ASTN2: variants seen among roughly 807,000 people sequenced by gnomAD.
ASTN2 encodes astrotactin-2.
Under a neutral mutation model 139.8 loss-of-function variants are expected in ASTN2, and 54 were observed. The ratio of observed to expected loss-of-function variants is 0.39; its 90% CI spans 0.31 to 0.48. The LOEUF (loss-of-function observed/expected upper bound fraction) is 0.48. ASTN2 is among the 20% of genes least tolerant of loss of function. The pLI, the probability that ASTN2 is intolerant of heterozygous loss-of-function variation, is 0.95. For synonymous variants in ASTN2, 756 were observed against 719.5 expected (o/e 1.05, Z -0.81); for missense variants, 1,565 against 1,725.1 (o/e 0.91, Z 1.64).
chr9:116,806,933 A>G (rs1233782164), intron 12 of ASTN2, among the ~76,000 whole-genome samples: 1 of 152,222 alleles, frequency 6.6e-6, no homozygotes, highest in Non-Finnish European at 1.5e-5. Flanking sequence ...AAAGAGTAAT[A>G]TCATAATTTC....
intron 19 of ASTN2, among the ~76,000 whole-genome samples, chr9:116,510,937 G>T (rs1288645251): frequency 1.3e-5 from 2 of 152,180 alleles, no homozygotes; most frequent in Non-Finnish European, 2.9e-5. Flanking sequence ...ATACAATCAT[G>T]TCATCTGAAA....
chr9:117,190,062 G>A (rs890763154), intron 3 of ASTN2, among the ~76,000 whole-genome samples: 4 of 152,128 alleles, frequency 2.6e-5, no homozygotes, highest in Non-Finnish European at 4.4e-5. Flanking sequence ...CAATCTCTCA[G>A]GAAGGAGGGA....
intron 1 of ASTN2, among the ~76,000 whole-genome samples, chr9:117,322,713 T>G (rs1008578901): frequency 1.3e-5 from 2 of 152,242 alleles, no homozygotes; most frequent in East Asian, 3.9e-4. Context: ...ATAAATCCTG[T>G]TGAATCTGGG....
chr9:116,823,003 G>A (rs1167524125), intron 11 of ASTN2, among the ~76,000 whole-genome samples: 1 of 152,104 alleles, frequency 6.6e-6, no homozygotes, highest in African/African-American at 2.4e-5. Flanking sequence ...GGTGTGATGT[G>A]GCCACAAACC....
intron 5 of ASTN2, among the ~76,000 whole-genome samples, chr9:117,054,684 G>A (rs1206022884): frequency 6.6e-6 from 1 of 152,206 alleles, no homozygotes; most frequent in African/African-American, 2.4e-5. Flanking sequence ...GGAGTGGTGG[G>A]AATTTCAGGT....
At chr9:117,038,837 C>T (rs562046639) in intron 6 of ASTN2, among the ~76,000 whole-genome samples, 23 of 152,242 alleles carry the variant, frequency 1.5e-4, no homozygotes, top group South Asian at 8.3e-4. Flanking sequence ...ATAGTAACCA[C>T]CTTAATCAGG....
chr9:116,564,272 G>A (rs1853070475), intron 19 of ASTN2, among the ~76,000 whole-genome samples: 1 of 152,154 alleles, frequency 6.6e-6, no homozygotes, highest in Admixed American at 6.5e-5. Context: ...TAAACATGTA[G>A]CTTTCTGAGG....
chr9:117,191,420 T>A (rs996671221), intron 3 of ASTN2, among the ~76,000 whole-genome samples: 3 of 152,208 alleles, frequency 2.0e-5, no homozygotes, highest in Non-Finnish European at 4.4e-5. Context: ...AAAGTTACTG[T>A]GGCTATTCAA....
At chr9:117,144,983 CT>C (rs773008918) in intron 3 of ASTN2, among the ~76,000 whole-genome samples, 3 of 151,876 alleles carry the variant, frequency 2.0e-5, no homozygotes, top group Non-Finnish European at 4.4e-5. Flanking sequence ...ACGCCTGGCT[CT>C]TTTTTTTTAA....
intron 13 of ASTN2, among the ~76,000 whole-genome samples, chr9:116,783,566 G>A (rs538664650): frequency 2.6e-5 from 4 of 152,234 alleles, no homozygotes; most frequent in Admixed American, 6.5e-5. Flanking sequence ...CAACTATTCA[G>A]TGAGGTAGTT....
In ASTN2 at chr9:116,729,090, A is replaced by G. The variant is rs144902284; in HGVS notation, c.2528T>C (p.Ile843Thr). Residue 843 changes from isoleucine (I) to threonine (T), a missense_variant, in exon 15 of 23, where the codon ATC (isoleucine) becomes ACC (threonine). By Grantham distance (89) the Ile-to-Thr change is moderately conservative (BLOSUM62 -1). Transcript: ENST00000313400. ...GTAACCCATGGCCTCATCATACCTG[A>G]TATCTCCTGGGAGAGAAAATAAGAT... ...LPDLQLLTGD[I>T]RYDEAMGYPM... 1.3e-6 allele frequency: 2 copies of G among 1,583,968 alleles called. No individual in the cohort carries two copies. Among genetic ancestry groups the G allele is most frequent in the African/African-American group, 2.7e-5 (2 of 74,576 alleles).
chr9:117,225,223 A>G (rs1832663756), intron 2 of ASTN2, among the ~76,000 whole-genome samples: 1 of 152,076 alleles, frequency 6.6e-6, no homozygotes, highest in South Asian at 2.1e-4. Context: ...TCTGTCTGGC[A>G]GTCCTCCATC....
intron 4 of ASTN2, among the ~76,000 whole-genome samples, chr9:117,139,076 TC>T (rs985389661): frequency 1.3e-5 from 2 of 152,064 alleles, no homozygotes; most frequent in Non-Finnish European, 2.9e-5. Context: ...AGACTTGGAG[TC>T]AAGAGTGTTT....
chr9:117,264,993 C>CT (rs1833909930), intron 2 of ASTN2, among the ~76,000 whole-genome samples: 1 of 150,972 alleles, frequency 6.6e-6, no homozygotes. Flanking sequence ...AGAATGAAAG[C>CT]TTTTTTCTCT....
chr9:116,648,004 T>TC (rs1446269468), intron 17 of ASTN2, among the ~76,000 whole-genome samples: 2 of 141,640 alleles, frequency 1.4e-5, no homozygotes, highest in Non-Finnish European at 3.1e-5. Context: ...TTTTTTCTTT[T>TC]CTTTTTTTTT....
At position 116,530,112 on chromosome 9, in the gene ASTN2, T is replaced by TCAC. The variant is rs1564345668; in HGVS notation, c.3356-42613_3356-42612insGTG. On this transcript the variant is annotated intron_variant, in intron 19 of 22. Coordinates refer to ENST00000313400, the MANE Select transcript of ASTN2 (RefSeq NM_001365068.1). ...AAAGTGTGATATATATATATATATATATATATATATATATATATATATATA... is the reference window on the plus strand; with the variant it reads ...AAAGTGTGATATATATATATATATATCACATATATATATATATATATATATATA... Among the ~76,000 whole-genome samples, 24 of 28,128 alleles carry TCAC rather than the reference T, an allele frequency of 8.5e-4. 1 individual carries two copies. In the East Asian group the frequency reaches 0.022, roughly 26 times the overall value. 18.5% of individuals were successfully genotyped at this position (28,128 alleles called of 152,430 possible).
intron 6 of ASTN2, among the ~76,000 whole-genome samples, chr9:117,013,273 G>A (rs1352086984): frequency 1.3e-5 from 2 of 152,052 alleles, no homozygotes; most frequent in Non-Finnish European, 2.9e-5. Flanking sequence ...ACTATTCCAT[G>A]TGTCTCATGT....
At chr9:116,876,344 G>A (rs1220737748) in intron 10 of ASTN2, among the ~76,000 whole-genome samples, 2 of 152,190 alleles carry the variant, frequency 1.3e-5, no homozygotes, top group Non-Finnish European at 2.9e-5. Flanking sequence ...TCTTGTGGAG[G>A]AGCAAAGAAA....
chr9:116,516,382 A>T (rs141006230), intron 19 of ASTN2, among the ~76,000 whole-genome samples: 4 of 152,352 alleles, frequency 2.6e-5, no homozygotes, highest in East Asian at 3.9e-4. Context: ...CATCATCATC[A>T]TCATTTACAC....
Sources: allele counts gnomAD v4.1 joint callset (sites outside exome capture counted in the v4.1 genomes callset), GRCh38; gene constraint gnomAD v4.1.1; transcripts MANE v1.5; gene names NCBI Gene and HGNC (gene_info 2026-07-23, HGNC 2026-07-21).